Variants in C5 observed in about 807,000 individuals in gnomAD.
C5 encodes C3 and PZP-like alpha-2-macroglobulin domain-containing protein 4.
A neutral mutation model predicts 218.8 loss-of-function variants in C5; 140 were observed. That is an observed-to-expected ratio of 0.64 (90% CI 0.56 to 0.74). The LOEUF (loss-of-function observed/expected upper bound fraction) is 0.74, where lower values mean the gene tolerates loss of function less well. Among genes scored for constraint, C5 ranks in the 30% least tolerant of loss-of-function variants. The probability of loss-of-function intolerance (pLI) is 0.00; values close to 1 mark genes in which losing one functional copy is unlikely to be tolerated. For missense variants in C5, 1,700 were observed against 1,969.6 expected (o/e 0.86, Z 2.59); for synonymous variants, 614 against 682.3 (o/e 0.90, Z 1.56).
chr9:121,047,318 T>C (rs185028365), intron 1 of C5, among the ~76,000 whole-genome samples: 48 of 152,342 alleles, frequency 3.2e-4, no homozygotes, highest in Admixed American at 1.9e-3. Flanking sequence ...TTCACAACCA[T>C]AGACTGTTCT....
chr9:121,006,714 G>A (rs2047218518), intron 19 of C5, among the ~76,000 whole-genome samples, 190 bp downstream of exon 19: 2 of 152,072 alleles, frequency 1.3e-5, no homozygotes, highest in Non-Finnish European at 1.5e-5. Context: ...AAAGAGAGGA[G>A]TGAAAGGAGA....
At chr9:121,018,355 C>T (rs892168869) in intron 12 of C5, among the ~76,000 whole-genome samples, 4 of 151,422 alleles carry the variant, frequency 2.6e-5, no homozygotes, top group African/African-American at 7.3e-5. Flanking sequence ...AGGCAGATCA[C>T]CTGAGGTCAG....
chr9:121,026,135 T>C (rs750280368), intron 8 of C5, among the ~76,000 whole-genome samples: 6 of 152,178 alleles, frequency 3.9e-5, no homozygotes, highest in Admixed American at 6.5e-5. Flanking sequence ...GTGTCTAGCA[T>C]AGAATTTTGC....
chr9:121,040,539 A>T (rs543400528), intron 3 of C5, among the ~76,000 whole-genome samples: 2 of 152,358 alleles, frequency 1.3e-5, no homozygotes, highest in African/African-American at 4.8e-5. Context: ...GACGATTAAA[A>T]AATACTTTTA....
At position 121,008,447 on chromosome 9, in the gene C5, G is replaced by T; in HGVS notation, c.2309C>A (p.Pro770Gln). Residue 770 changes from proline to glutamine, a missense_variant, in exon 18 of 41, where the codon CCA becomes CAA. Pro to Gln is a moderately conservative substitution (Grantham distance 76, BLOSUM62 -1). Coordinates refer to ENST00000223642, the MANE Select transcript of C5 (RefSeq NM_001735.3). ...ATGAACTTCCCACAACCAGCTTTCTGGAAAATAACTCCGAATTTCTGGCTT... is the reference window on the plus strand; with the variant it reads ...ATGAACTTCCCACAACCAGCTTTCTTGAAAATAACTCCGAATTTCTGGCTT... ...VSKPEIRSYF[P>Q]ESWLWEVHLV... is the part of the protein sequence containing the mutation. 1 of 1,613,640 alleles carries T rather than the reference G, an allele frequency of 6.2e-7. No homozygotes were observed. The highest frequency in any genetic ancestry group is 8.5e-7 in the Non-Finnish European group (1 of 1,179,746).
In C5 at chr9:120,962,668, T is replaced by A; in HGVS notation, c.4504+3A>T. The A allele has an allele frequency of 1.3e-6, 2 of 1,588,710 alleles. No individual in the cohort carries two copies. Among genetic ancestry groups the A allele is most frequent in the South Asian group, 1.1e-5 (1 of 90,614 alleles). The stretch of plus-strand genomic sequence containing the variant: ...GAAGAAATGTTAGCATGGAGTTGAT[T>A]ACCTGGTCTGTGGTATTCGTACACT... On this transcript the variant is annotated splice_donor_region_variant and intron_variant, in intron 36 of 40. Transcript: ENST00000223642.
At chr9:120,975,033 G>GTTTC in intron 29 of C5, 102 bp from the exon 30 acceptor site, 3 of 1,342,386 alleles carry the variant, frequency 2.2e-6, no homozygotes, top group African/African-American at 1.4e-5. Context: ...ATTGTCTGGA[G>GTTTC]ATGAAACTCC....
chr9:120,982,072 C>T, intron 26 of C5, 133 bp from the exon 27 acceptor site: 1 of 709,268 alleles, frequency 1.4e-6, no homozygotes, highest in East Asian at 2.8e-5. Context: ...AGTGCAATGG[C>T]TTGATCTTGG....
intron 34 of C5, 52 bp downstream of exon 34, chr9:120,963,584 T>G (rs2046843809): frequency 1.6e-6 from 2 of 1,221,204 alleles, no homozygotes; most frequent in Non-Finnish European, 2.4e-6. Flanking sequence ...TATAAAATAA[T>G]TCAGAAAAGA....
rs199781835 is a variant in C5 at position 120,999,160 on chromosome 9, TA to T, written c.2563-1387del. Among the ~76,000 whole-genome samples, 35 of 148,106 alleles carry T rather than the reference TA, an allele frequency of 2.4e-4. 1 individual carries two copies. The highest frequency in any genetic ancestry group is 4.7e-4 in the African/African-American group (19 of 40,432). Reference sequence around the variant, plus strand: ...GAACTTTTGAAACTGATAGAAAATATAAAAAAAAAAGTGGTTCTGGTTTCAG... The same window carrying T: ...GAACTTTTGAAACTGATAGAAAATATAAAAAAAAAGTGGTTCTGGTTTCAG... On this transcript the variant is annotated intron_variant, in intron 20 of 40. Coordinates refer to ENST00000223642, the MANE Select transcript of C5 (RefSeq NM_001735.3).
chr9:120,974,953 C>T (rs774515766), intron 29 of C5, 22 bp from the exon 30 acceptor site: 8 of 1,613,852 alleles, frequency 5.0e-6, no homozygotes, highest in Admixed American at 3.3e-5. Flanking sequence ...CAGCAAGGCA[C>T]AAAAATATGT....
intron 5 of C5, among the ~76,000 whole-genome samples, 186 bp downstream of exon 5, chr9:121,034,617 T>G (rs889736964): frequency 6.6e-6 from 1 of 152,250 alleles, no homozygotes; most frequent in Non-Finnish European, 1.5e-5. Context: ...GTAAAAAGAA[T>G]GGCTGAGAAG....
intron 9 of C5, among the ~76,000 whole-genome samples, chr9:121,025,070 T>G (rs896181304): frequency 6.6e-6 from 1 of 152,254 alleles, no homozygotes; most frequent in Non-Finnish European, 1.5e-5. Context: ...ATTTGTATAG[T>G]ACTTTATCAA....
At chr9:120,957,184 C>A (rs2046792169) in intron 39 of C5, 101 bp downstream of exon 39, 1 of 835,986 alleles carries the variant, frequency 1.2e-6, no homozygotes, top group Admixed American at 1.7e-5. Context: ...AGAGCTCTGT[C>A]TTATTTGAGT....
chr9:120,955,828 G>A (rs570706562), intron 39 of C5, among the ~76,000 whole-genome samples: 1 of 152,170 alleles, frequency 6.6e-6, no homozygotes, highest in East Asian at 1.9e-4. Flanking sequence ...GATCCCTTGA[G>A]CCTAGGAGTT....
At chr9:120,973,428 G>A (rs866094831) in intron 30 of C5, among the ~76,000 whole-genome samples, 6 of 152,174 alleles carry the variant, frequency 3.9e-5, no homozygotes, top group African/African-American at 1.2e-4. Flanking sequence ...GCCTGCAGAG[G>A]CCCGGGCACA....
At chr9:121,071,904 A>G in the C5 span, among the ~76,000 whole-genome samples, 1 of 152,224 alleles carries the variant, frequency 6.6e-6, no homozygotes, top group Admixed American at 6.5e-5. Flanking sequence ...TGACGTGGCT[A>G]ATATTTGTAT....
chr9:120,989,778 G>T lies in C5; in HGVS notation c.2944C>A (p.Leu982Met). The change falls in exon 24 of 41, where the codon CTG (leucine) becomes ATG (methionine). Residue 982 changes from leucine (L) to methionine (M), a missense_variant and splice_region_variant. Transcript: ENST00000223642. ...GCAGACAAGATCTCACCTACAAGCA[G>T]TCCTGAAACAAAAAAGATCAAAGTA... Reference protein sequence around the residue: ...EIKRILSVKGLLVGEILSAVL... With the variant: ...EIKRILSVKGMLVGEILSAVL... 1 of 1,613,250 alleles carries T rather than the reference G, an allele frequency of 6.2e-7. No individual in the cohort carries two copies. Among genetic ancestry groups the T allele is most frequent in the Non-Finnish European group, 8.5e-7 (1 of 1,179,288 alleles).
At chr9:121,017,280 G>T in intron 14 of C5, 82 bp downstream of exon 14, 1 of 1,527,866 alleles carries the variant, frequency 6.5e-7, no homozygotes, top group Non-Finnish European at 9.0e-7. Flanking sequence ...AGCAGGCCTA[G>T]TCTTCCCTTA....
Sources: allele counts gnomAD v4.1 joint callset (sites outside exome capture counted in the v4.1 genomes callset), GRCh38; gene constraint gnomAD v4.1.1; transcripts MANE v1.5; gene names NCBI Gene and HGNC (gene_info 2026-07-23, HGNC 2026-07-21).